Variants in IMMP2L observed in about 807,000 individuals in gnomAD.
IMMP2L encodes the protein mitochondrial inner membrane protease subunit 2.
A neutral mutation model predicts 19.3 loss-of-function variants in IMMP2L; 18 were observed. The ratio of observed to expected loss-of-function variants is 0.93; its 90% CI spans 0.64 to 1.38. The LOEUF (loss-of-function observed/expected upper bound fraction) is 1.38, where lower values mean the gene tolerates loss of function less well. Ranked by LOEUF, IMMP2L falls within the 40% of genes most tolerant of loss-of-function variation. The probability of loss-of-function intolerance (pLI) is 0.00; values close to 1 mark genes in which losing one functional copy is unlikely to be tolerated. For synonymous variants in IMMP2L, 76 were observed against 73.0 expected (o/e 1.04, Z -0.21); for missense variants, 233 against 218.2 (o/e 1.07, Z -0.43).
intron 3 of IMMP2L, among the ~76,000 whole-genome samples, chr7:110,973,997 G>C (rs1247505093): frequency 6.6e-6 from 1 of 152,092 alleles, no homozygotes; most frequent in East Asian, 1.9e-4. Context: ...TAGCTATGTG[G>C]TTCCCACAGC....
chr7:111,487,707 T>C (rs141312160), intron 2 of IMMP2L, among the ~76,000 whole-genome samples: 4 of 152,264 alleles, frequency 2.6e-5, no homozygotes, highest in African/African-American at 9.6e-5. Context: ...TCCACAGTAG[T>C]ACACATCATT....
intron 3 of IMMP2L, among the ~76,000 whole-genome samples, chr7:111,186,255 C>CAGAT (rs1264572742): frequency 6.6e-6 from 1 of 151,918 alleles, no homozygotes; most frequent in African/African-American, 2.4e-5. Flanking sequence ...CACAGACAGA[C>CAGAT]AGTGACACCA....
At chr7:111,116,582 A>C (rs1799906282) in intron 3 of IMMP2L, among the ~76,000 whole-genome samples, 1 of 152,342 alleles carries the variant, frequency 6.6e-6, no homozygotes, top group African/African-American at 2.4e-5. Flanking sequence ...CAGGACATTA[A>C]CAATCAACTT....
chr7:111,487,258 A>G lies in IMMP2L; in HGVS notation c.219T>C (p.Arg73=). ...CTTACACCAATGATACAATGTCACC[A>G]CGGTGTACTTCAAAATTCCTCACTT... ...HWKVRNFEVH[R]GDIVSLVSPK... is the part of the protein sequence containing the mutation. Residue 73 remains arginine (R), a synonymous_variant, in exon 3 of 6, where the codon CGT becomes CGC. Transcript: ENST00000405709. 1 of 1,572,316 alleles carries G rather than the reference A, an allele frequency of 6.4e-7. No homozygotes were observed. The highest frequency in any genetic ancestry group is 1.3e-5 in the African/African-American group (1 of 74,224).
intron 3 of IMMP2L, among the ~76,000 whole-genome samples, chr7:111,315,259 G>T (rs939440980): frequency 1.3e-5 from 2 of 152,048 alleles, no homozygotes; most frequent in Non-Finnish European, 2.9e-5. Context: ...GTCCTGCAGA[G>T]AGAAGTCCAA....
rs553206579 is a variant in IMMP2L, at chr7:110,961,276, T to G, written c.305+2224A>C. Among the ~76,000 whole-genome samples the G allele has an allele frequency of 5.3e-5, 8 of 152,008 alleles. No homozygotes were observed. The East Asian group carries it at 1.6e-3, about 30-fold the overall frequency. On this transcript the variant is annotated intron_variant, in intron 4 of 5. Transcript: ENST00000405709. ...CCAAAATCCACAGATGCTCAAGTTC[T>G]TTACATAAAATGATGTAGTATTTGC...
intron 5 of IMMP2L, among the ~76,000 whole-genome samples, chr7:110,848,877 T>C (rs1466518761): frequency 6.6e-6 from 1 of 152,054 alleles, no homozygotes; most frequent in Admixed American, 6.6e-5. Flanking sequence ...AAAAAAACTA[T>C]TATGACAGTA....
At chr7:110,799,691 C>G (rs907997831) in intron 5 of IMMP2L, among the ~76,000 whole-genome samples, 2 of 151,974 alleles carry the variant, frequency 1.3e-5, no homozygotes, top group Non-Finnish European at 2.9e-5. Context: ...TTATTTACCG[C>G]TAGTCATTTT....
At chr7:111,060,346 A>C (rs1793910052) in intron 3 of IMMP2L, among the ~76,000 whole-genome samples, 1 of 152,226 alleles carries the variant, frequency 6.6e-6, no homozygotes, top group South Asian at 2.1e-4. Flanking sequence ...ATTATTTTAC[A>C]TACATATTAA....
At chr7:110,931,661 C>T (rs1815500710) in intron 4 of IMMP2L, among the ~76,000 whole-genome samples, 1 of 152,160 alleles carries the variant, frequency 6.6e-6, no homozygotes, top group Non-Finnish European at 1.5e-5. Flanking sequence ...AGAACCCCCA[C>T]ACTGGTGCCA....
At chr7:110,679,264 G>C (rs962056838) in intron 5 of IMMP2L, among the ~76,000 whole-genome samples, 2 of 152,168 alleles carry the variant, frequency 1.3e-5, no homozygotes, top group East Asian at 3.9e-4. Flanking sequence ...AATCACTGGA[G>C]TTGAAGTGGT....
intron 4 of IMMP2L, among the ~76,000 whole-genome samples, chr7:110,930,024 A>G (rs1468042989): frequency 6.6e-6 from 1 of 152,148 alleles, no homozygotes; most frequent in Admixed American, 6.6e-5. Context: ...AGCTCAGGAG[A>G]AGTAATCAGT....
At chr7:111,464,177 T>A (rs925468216) in intron 3 of IMMP2L, among the ~76,000 whole-genome samples, 7 of 152,004 alleles carry the variant, frequency 4.6e-5, no homozygotes, top group Admixed American at 1.3e-4. Context: ...ATAAAGGTAA[T>A]AATATACAAG....
intron 5 of IMMP2L, among the ~76,000 whole-genome samples, chr7:110,853,653 A>G (rs1396329034): frequency 6.6e-6 from 1 of 152,040 alleles, no homozygotes; most frequent in African/African-American, 2.4e-5. Flanking sequence ...ATTATTTTGA[A>G]ACTTGATATT....
intron 5 of IMMP2L, among the ~76,000 whole-genome samples, chr7:110,826,383 C>A (rs56243035): frequency 0.087 from 13,283 of 152,154 alleles, 880 homozygotes; most frequent in African/African-American, 0.18. Flanking sequence ...AAGACACATG[C>A]ACACATATGT....
At chr7:111,120,025 A>G (rs535557857) in intron 3 of IMMP2L, among the ~76,000 whole-genome samples, 4 of 152,322 alleles carry the variant, frequency 2.6e-5, no homozygotes, top group Non-Finnish European at 5.9e-5. Context: ...AGGCAGAGTG[A>G]TGCAACCATA....
intron 3 of IMMP2L, among the ~76,000 whole-genome samples, chr7:111,484,006 G>C (rs1165085237): frequency 1.3e-5 from 2 of 152,112 alleles, no homozygotes; most frequent in South Asian, 4.1e-4. Flanking sequence ...AAAACAATGA[G>C]GAGAGCATAC....
chr7:110,690,366 T>A (rs188520485), intron 5 of IMMP2L, among the ~76,000 whole-genome samples: 1 of 152,350 alleles, frequency 6.6e-6, no homozygotes, highest in Non-Finnish European at 1.5e-5. Flanking sequence ...TCTGCCATAC[T>A]GATGGAACCT....
rs181995854 is a variant in IMMP2L, at chr7:111,523,041, C to T, written c.-2-1592G>A. 2.0e-3 allele frequency among the ~76,000 whole-genome samples: 310 copies of T among 151,446 alleles called. 3 individuals are homozygous for T. The highest frequency in any genetic ancestry group is 7.2e-3 in the African/African-American group (294 of 41,118). ...ACCCAGGCACAGAAAGACAATATTGCACGACCACTCATATATAGAATCTAA... is the reference window on the plus strand; with the variant it reads ...ACCCAGGCACAGAAAGACAATATTGTACGACCACTCATATATAGAATCTAA... On this transcript the variant is annotated intron_variant, in intron 1 of 5. Coordinates refer to ENST00000405709, the MANE Select transcript of IMMP2L (RefSeq NM_032549.4).
Sources: allele counts gnomAD v4.1 joint callset (sites outside exome capture counted in the v4.1 genomes callset), GRCh38; gene constraint gnomAD v4.1.1; transcripts MANE v1.5; gene names NCBI Gene and HGNC (gene_info 2026-07-23, HGNC 2026-07-21).